The following CDK14 variants were observed in gnomAD, a reference collection of about 807,000 sequenced individuals.
CDK14 encodes cyclin-dependent kinase 14.
Under a neutral mutation model 60.7 loss-of-function variants are expected in CDK14, and 34 were observed. That is an observed-to-expected ratio of 0.56 (90% CI 0.43 to 0.75). CDK14 has a LOEUF of 0.75. CDK14 is among the 30% of genes least tolerant of loss of function. CDK14 has a pLI of 0.00. For missense variants in CDK14, 482 were observed against 564.1 expected (o/e 0.85, Z 1.47); for synonymous variants, 197 against 203.7 (o/e 0.97, Z 0.28).
chr7:90,893,912 T>C (rs1368920134), intron 6 of CDK14, among the ~76,000 whole-genome samples: 10 of 152,262 alleles, frequency 6.6e-5, no homozygotes, highest in African/African-American at 2.4e-4. Context: ...AGTGATTATA[T>C]ATAGAGAGTG....
intron 14 of CDK14, among the ~76,000 whole-genome samples, chr7:91,159,669 G>A (rs137876494): frequency 7.2e-5 from 11 of 152,260 alleles, no homozygotes; most frequent in African/African-American, 2.2e-4. Context: ...TCAATGAGCC[G>A]GGGAAGGAAA....
At chr7:91,109,834 T>C (rs954392107) in intron 12 of CDK14, among the ~76,000 whole-genome samples, 64 of 152,222 alleles carry the variant, frequency 4.2e-4, no homozygotes, top group African/African-American at 1.4e-3. Context: ...AAATGAACTT[T>C]AGCCTAGAAA....
At chr7:91,101,708 A>C (rs1308720737) in intron 12 of CDK14, among the ~76,000 whole-genome samples, 1 of 152,122 alleles carries the variant, frequency 6.6e-6, no homozygotes, top group Non-Finnish European at 1.5e-5. Context: ...CCTGGGGTTG[A>C]GAAGTACACT....
intron 2 of CDK14, among the ~76,000 whole-genome samples, chr7:90,623,158 A>C (rs1319309440): frequency 6.6e-6 from 1 of 151,120 alleles, no homozygotes. Context: ...TTCTTTATAG[A>C]GTTTGTGATC....
At chr7:90,649,534 A>G (rs1289673411) in intron 2 of CDK14, among the ~76,000 whole-genome samples, 2 of 149,110 alleles carry the variant, frequency 1.3e-5, no homozygotes, top group Admixed American at 6.8e-5. Flanking sequence ...ATAGATGTAC[A>G]TGTGCCATGT....
chr7:90,950,475 A>G (rs1794224070), intron 8 of CDK14, among the ~76,000 whole-genome samples: 1 of 152,182 alleles, frequency 6.6e-6, no homozygotes, highest in Non-Finnish European at 1.5e-5. Context: ...CCAATAAGAG[A>G]TGATATGAGG....
At chr7:90,862,732 A>G (rs1258923366) in intron 5 of CDK14, among the ~76,000 whole-genome samples, 1 of 152,222 alleles carries the variant, frequency 6.6e-6, no homozygotes, top group Non-Finnish European at 1.5e-5. Flanking sequence ...TATGGAATGT[A>G]TACCAAGATA....
intron 2 of CDK14, among the ~76,000 whole-genome samples, chr7:90,635,177 C>T (rs974749255): frequency 7.9e-5 from 12 of 152,150 alleles, no homozygotes; most frequent in Non-Finnish European, 2.9e-5. Context: ...GTTGCCATTG[C>T]TTTTGGTGTT....
chr7:90,818,450 G>A (rs945658785), intron 5 of CDK14, among the ~76,000 whole-genome samples: 1 of 152,158 alleles, frequency 6.6e-6, no homozygotes, highest in African/African-American at 2.4e-5. Context: ...TCAAATGCAT[G>A]CTTAAATGTT....
intron 9 of CDK14, among the ~76,000 whole-genome samples, chr7:90,977,783 C>T (rs1319576993): frequency 6.6e-6 from 1 of 152,074 alleles, no homozygotes; most frequent in Non-Finnish European, 1.5e-5. Context: ...GAAGGAGGGT[C>T]GTGTTGCTTT....
At chr7:90,806,804 T>C (rs1158196476) in intron 5 of CDK14, among the ~76,000 whole-genome samples, 1 of 152,192 alleles carries the variant, frequency 6.6e-6, no homozygotes, top group African/African-American at 2.4e-5. Flanking sequence ...TAGCAAACGG[T>C]ACACCAGGAG....
chr7:90,829,927 G>A (rs1271013901), intron 5 of CDK14, among the ~76,000 whole-genome samples: 1 of 152,234 alleles, frequency 6.6e-6, no homozygotes, highest in East Asian at 1.9e-4. Flanking sequence ...AAGGCCTTGG[G>A]CAGCTCTGCC....
chr7:90,769,470 C>T (rs375441450), intron 4 of CDK14, among the ~76,000 whole-genome samples: 5 of 144,172 alleles, frequency 3.5e-5, no homozygotes, highest in South Asian at 2.2e-4. Context: ...TTTCTCTTTT[C>T]TTTCTTTTTT....
chr7:90,657,217 A>G (rs983963801), intron 2 of CDK14, among the ~76,000 whole-genome samples: 1 of 152,172 alleles, frequency 6.6e-6, no homozygotes, highest in African/African-American at 2.4e-5. Context: ...CAAATGGTCA[A>G]ATGGTTTTGG....
At chr7:90,940,631 T>C (rs1477952606) in intron 8 of CDK14, among the ~76,000 whole-genome samples, 1 of 151,652 alleles carries the variant, frequency 6.6e-6, no homozygotes, top group African/African-American at 2.4e-5. Flanking sequence ...ACAAAAAATA[T>C]AAAAATCAGC....
At chr7:90,910,727 TCTTA>T (rs976958991) in intron 7 of CDK14, among the ~76,000 whole-genome samples, 13 of 152,280 alleles carry the variant, frequency 8.5e-5, no homozygotes, top group Admixed American at 5.2e-4. Flanking sequence ...CAGCACTCTC[TCTTA>T]CTTACTATGT....
At chr7:91,097,456 A>C (rs760002033) in intron 12 of CDK14, among the ~76,000 whole-genome samples, 1 of 152,140 alleles carries the variant, frequency 6.6e-6, no homozygotes, top group Non-Finnish European at 1.5e-5. Context: ...ATTTTCTTGG[A>C]CCTCTATACA....
chr7:90,638,787 T>C (rs1462106948), intron 2 of CDK14, among the ~76,000 whole-genome samples: 1 of 152,120 alleles, frequency 6.6e-6, no homozygotes, highest in Non-Finnish European at 1.5e-5. Flanking sequence ...GTAGATTTGG[T>C]CTTTTCACAT....
chr7:91,165,372 C>T (rs971270675), intron 14 of CDK14, among the ~76,000 whole-genome samples: 3 of 152,078 alleles, frequency 2.0e-5, no homozygotes, highest in African/African-American at 7.2e-5. Context: ...AAATGAGCAC[C>T]GTGTTAGGAG....
Sources: allele counts gnomAD v4.1 joint callset (sites outside exome capture counted in the v4.1 genomes callset), GRCh38; gene constraint gnomAD v4.1.1; transcripts MANE v1.5; gene names NCBI Gene and HGNC (gene_info 2026-07-23, HGNC 2026-07-21).